The following DAB2IP variants were observed in gnomAD, a reference collection of about 807,000 sequenced individuals.
DAB2IP encodes the protein DAB2 interacting protein.
DAB2IP carries 28 observed loss-of-function variants against 107.2 expected under a neutral mutation model. The observed-to-expected ratio is 0.26, with a 90% confidence interval of 0.19 to 0.36. DAB2IP has a LOEUF of 0.36. Among genes scored for constraint, DAB2IP ranks in the 10% least tolerant of loss-of-function variants. The probability of loss-of-function intolerance (pLI) is 1.00; values close to 1 mark genes in which losing one functional copy is unlikely to be tolerated. For synonymous variants in DAB2IP, 755 were observed against 706.4 expected, an observed-to-expected ratio of 1.07 and a Z score of -1.09; for missense variants, 1,400 against 1,644.7, an observed-to-expected ratio of 0.85 and a Z score of 2.57.
At chr9:121,588,408 A>T (rs1830350744) in intron 1 of DAB2IP, among the ~76,000 whole-genome samples, 1 of 151,742 alleles carries the variant, frequency 6.6e-6, no homozygotes, top group Non-Finnish European at 1.5e-5. Flanking sequence ...GCACCTAGCG[A>T]GTGCTTCCCG....
At chr9:121,785,447 G>C (rs753465715) in exon 16 of DAB2IP, 1 of 152,810 alleles carries the variant, frequency 6.5e-6, no homozygotes, top group African/African-American at 2.4e-5. Flanking sequence ...AGAGGAAGCT[G>C]TTGGTGTTCT....
rs538731929 is a variant in DAB2IP at position 121,760,908 on chromosome 9, C to T, written c.1170+469C>T. ...CCTCACAGCTCTACCTCACCCCACA[C>T]TCTCACCCAGACACACAGATTGTCA... On this transcript the variant is annotated intron_variant, in intron 6 of 15. Coordinates refer to ENST00000408936, the Ensembl canonical transcript of DAB2IP. This position sits in a 1 kb window ranked among gnomAD's most constrained non-coding sequence, Gnocchi z 5.9. 1.3e-5 allele frequency among the ~76,000 whole-genome samples: 2 copies of T among 152,226 alleles called. No homozygotes were observed. Among genetic ancestry groups the T allele is most frequent in the Non-Finnish European group, 2.9e-5 (2 of 68,044 alleles).
At chr9:121,673,688 C>T (rs918379522) in intron 1 of DAB2IP, among the ~76,000 whole-genome samples, 36 of 152,172 alleles carry the variant, frequency 2.4e-4, no homozygotes, top group Admixed American at 2.3e-3. Context: ...CAGAACCCAG[C>T]GATCCATGTC....
intron 1 of DAB2IP, among the ~76,000 whole-genome samples, chr9:121,655,813 T>TG (rs779169366): frequency 4.6e-5 from 7 of 151,982 alleles, no homozygotes; most frequent in Non-Finnish European, 1.0e-4. Context: ...GGCTGGGAGC[T>TG]GGGGGTTTTG....
At chr9:121,744,635 T>C (rs780581538) in intron 3 of DAB2IP, among the ~76,000 whole-genome samples, 8 of 152,186 alleles carry the variant, frequency 5.3e-5, no homozygotes, top group Non-Finnish European at 1.2e-4. Flanking sequence ...GGTCATAGGA[T>C]TTTTGTAGGT....
intron 2 of DAB2IP, among the ~76,000 whole-genome samples, chr9:121,694,905 G>A (rs1008532621): frequency 4.5e-4 from 68 of 152,204 alleles, no homozygotes; most frequent in African/African-American, 1.4e-3. Flanking sequence ...TGACCTCAGC[G>A]TCGTGGCACA....
At chr9:121,594,324 A>G (rs1034629234) in intron 1 of DAB2IP, among the ~76,000 whole-genome samples, 1 of 147,032 alleles carries the variant, frequency 6.8e-6, no homozygotes, top group Non-Finnish European at 1.5e-5. Flanking sequence ...TGCAACCTTC[A>G]CTTCCCAGGT....
At chr9:121,615,517 A>C (rs1378928917) in intron 1 of DAB2IP, among the ~76,000 whole-genome samples, 1 of 151,764 alleles carries the variant, frequency 6.6e-6, no homozygotes, top group Non-Finnish European at 1.5e-5. Flanking sequence ...AGTGTCTACC[A>C]CTCCATCACC....
chr9:121,773,379 G>A (rs751563172), exon 12 of DAB2IP: 8 of 1,591,010 alleles, frequency 5.0e-6, no homozygotes, highest in Admixed American at 1.7e-5. Context: ...ACCCTCAAGC[G>A]GAACCCTGGC....
Position 121,750,993 on chromosome 9 carries a change from G to T in DAB2IP, c.363-6020G>T, listed in dbSNP as rs116212312. ...CACGTTTCCTGGGCCCTGGGCAGGGGCTGCCCCATCCCTGTATCCCCCGGT... is the reference window on the plus strand; with the variant it reads ...CACGTTTCCTGGGCCCTGGGCAGGGTCTGCCCCATCCCTGTATCCCCCGGT... On this transcript the variant is annotated intron_variant, in intron 3 of 15. Coordinates refer to ENST00000408936, the Ensembl canonical transcript of DAB2IP. 8.0e-3 allele frequency: 1,378 copies of T among 173,194 alleles called. 24 individuals are homozygous for T. Among genetic ancestry groups the T allele is most frequent in the African/African-American group, 0.031 (1,292 of 41,708 alleles). 10.7% of individuals were successfully genotyped at this position (173,194 alleles called of 1,614,324 possible).
In DAB2IP at chr9:121,772,573, C is replaced by T; in HGVS notation, c.2079-34C>T. Reference sequence around the variant, plus strand: ...GCTGCACTCACAGTTCTTCTTTTCCCCTTCTTTCCCTGTGTGTGCTTGTCT... The same window carrying T: ...GCTGCACTCACAGTTCTTCTTTTCCTCTTCTTTCCCTGTGTGTGCTTGTCT... On this transcript the variant is annotated intron_variant, in intron 11 of 15. Transcript: ENST00000408936. This position sits in a 1 kb window ranked among gnomAD's most constrained non-coding sequence, Gnocchi z 4.7. 6.3e-7 allele frequency: 1 copy of T among 1,581,300 alleles called. No individual in the cohort carries two copies. The highest frequency in any genetic ancestry group is 2.3e-5 in the East Asian group (1 of 44,444).
In DAB2IP at chr9:121,736,726, C is replaced by G. The variant is rs1031455110; in HGVS notation, c.363-20287C>G. Among the ~76,000 whole-genome samples, 2 of 152,250 alleles carry G rather than the reference C, an allele frequency of 1.3e-5. No homozygotes were observed. The highest frequency in any genetic ancestry group is 4.8e-5 in the African/African-American group (2 of 41,474). On this transcript the variant is annotated intron_variant, in intron 3 of 15. Transcript: ENST00000408936. The surrounding 1 kb of genome is among the most constrained non-coding windows in gnomAD (Gnocchi z 4.6). ...TCCCCCGCTCCTGCCTTCCACTGCT[C>G]TGGCTGACCTGGCTCAGACCAGCTT...
chr9:121,721,339 C>T (rs573145142), intron 3 of DAB2IP, among the ~76,000 whole-genome samples: 5 of 152,228 alleles, frequency 3.3e-5, no homozygotes, highest in Non-Finnish European at 7.3e-5. Context: ...CAGCATAGCA[C>T]TCAGGAAATC....
At chr9:121,708,477 G>A (rs536141828) in intron 3 of DAB2IP, among the ~76,000 whole-genome samples, 53 of 152,194 alleles carry the variant, frequency 3.5e-4, no homozygotes, top group Non-Finnish European at 6.0e-4. Context: ...CAGTGCCCTG[G>A]GTCTCCTGAG....
intron 1 of DAB2IP, among the ~76,000 whole-genome samples, chr9:121,637,398 C>T (rs909344222): frequency 1.2e-4 from 18 of 152,196 alleles, no homozygotes; most frequent in African/African-American, 4.1e-4. Flanking sequence ...GAAACGGTTC[C>T]GATGGGTTCC....
intron 1 of DAB2IP, among the ~76,000 whole-genome samples, chr9:121,642,017 C>CTTTCTTTCTTTCTT (rs1832349064): frequency 1.3e-4 from 2 of 15,190 alleles, no homozygotes; most frequent in African/African-American, 2.8e-4. Flanking sequence ...CTCTCTCTCT[C>CTTTCTTTCTTTCTT]TCTCTCTCTC....
Position 121,736,381 on chromosome 9 carries a change from G to A in DAB2IP, c.363-20632G>A, listed in dbSNP as rs1411395167. Among the ~76,000 whole-genome samples the A allele has an allele frequency of 6.6e-6, 1 of 151,924 alleles. No individual in the cohort carries two copies. The highest frequency in any genetic ancestry group is 2.4e-5 in the African/African-American group (1 of 41,170). On this transcript the variant is annotated intron_variant, in intron 3 of 15. Transcript: ENST00000408936. This position sits in a 1 kb window ranked among gnomAD's most constrained non-coding sequence, Gnocchi z 4.6. ...AAGGTGGGGAAGGAGTTGCAAGGCA[G>A]AGACCCCCGAACCCCTGCTCCAGGG...
At chr9:121,617,726 G>A (rs1473657811) in intron 1 of DAB2IP, among the ~76,000 whole-genome samples, 1 of 152,222 alleles carries the variant, frequency 6.6e-6, no homozygotes, top group African/African-American at 2.4e-5. Context: ...GAGGCCCAGG[G>A]TGATTGGTTC....
At chr9:121,747,867 AAAAAG>A (rs1276918434) in intron 3 of DAB2IP, among the ~76,000 whole-genome samples, 2 of 151,822 alleles carry the variant, frequency 1.3e-5, no homozygotes, top group Non-Finnish European at 2.9e-5. Flanking sequence ...CAAAAAAAAA[AAAAAG>A]AAAGAAAGAA....
Sources: allele counts gnomAD v4.1 joint callset (sites outside exome capture counted in the v4.1 genomes callset), GRCh38; gene constraint gnomAD v4.1.1; non-coding constraint Gnocchi (gnomAD v3.1); transcripts MANE v1.5; gene names NCBI Gene and HGNC (gene_info 2026-07-23, HGNC 2026-07-21).